The following IGF2BP3 variants were observed in gnomAD, a reference collection of about 807,000 sequenced individuals.
IGF2BP3 encodes insulin-like growth factor 2 mRNA-binding protein 3.
IGF2BP3 carries 9 observed loss-of-function variants against 73.8 expected under a neutral mutation model. The observed-to-expected ratio is 0.12, with a 90% CI of 0.07 to 0.21. The LOEUF (loss-of-function observed/expected upper bound fraction) is 0.21, where lower values mean the gene tolerates loss of function less well. Among genes scored for constraint, IGF2BP3 ranks in the 10% least tolerant of loss-of-function variants. The pLI is 1.00. For missense variants in IGF2BP3, 542 were observed against 714.0 expected (o/e 0.76, Z 2.75); for synonymous variants, 258 against 256.7 (o/e 1.01, Z -0.05).
chr7:23,441,775 A>G (rs1047163297), intron 2 of IGF2BP3, among the ~76,000 whole-genome samples: 1 of 152,092 alleles, frequency 6.6e-6, no homozygotes, highest in African/African-American at 2.4e-5. Context: ...TAAAAATATT[A>G]TACTTGTATC....
chr7:23,356,651 C>T (rs941619478), intron 5 of IGF2BP3, among the ~76,000 whole-genome samples: 2 of 152,116 alleles, frequency 1.3e-5, no homozygotes, highest in African/African-American at 4.8e-5. Context: ...AATACAGGGT[C>T]CTCACAAAAT....
At chr7:23,335,423 G>C (rs1259814707) in intron 10 of IGF2BP3, among the ~76,000 whole-genome samples, 2 of 151,834 alleles carry the variant, frequency 1.3e-5, no homozygotes, top group African/African-American at 4.8e-5. Flanking sequence ...AGCTGGGATA[G>C]GCAAAGGCCA....
intron 3 of IGF2BP3, among the ~76,000 whole-genome samples, chr7:23,363,298 G>C (rs1036411536): frequency 2.0e-5 from 3 of 152,128 alleles, no homozygotes; most frequent in African/African-American, 7.2e-5. Context: ...CTATGCTGGA[G>C]TGCAGTGGCA....
chr7:23,465,501 A>T (rs773856533), intron 2 of IGF2BP3, among the ~76,000 whole-genome samples: 1 of 149,406 alleles, frequency 6.7e-6, no homozygotes, highest in South Asian at 2.1e-4. Flanking sequence ...ACCAAATTCA[A>T]CCTTACTACT....
At chr7:23,394,394 A>G (rs1786382901) in intron 3 of IGF2BP3, among the ~76,000 whole-genome samples, 1 of 152,028 alleles carries the variant, frequency 6.6e-6, no homozygotes, top group Non-Finnish European at 1.5e-5. Flanking sequence ...TTCAGCCTGG[A>G]AGGTCGAGGC....
chr7:23,421,358 T>C (rs1787339612), intron 2 of IGF2BP3, among the ~76,000 whole-genome samples: 1 of 109,548 alleles, frequency 9.1e-6, no homozygotes, highest in Non-Finnish European at 2.3e-5. Flanking sequence ...AAAAGATTTA[T>C]AATTCATAGA....
intron 3 of IGF2BP3, among the ~76,000 whole-genome samples, chr7:23,378,289 A>G (rs953685697): frequency 1.3e-5 from 2 of 151,598 alleles, no homozygotes; most frequent in Non-Finnish European, 1.5e-5. Flanking sequence ...AGGAGTATAT[A>G]ATTTTAGAAT....
At chr7:23,463,844 G>A (rs1244824866) in intron 2 of IGF2BP3, among the ~76,000 whole-genome samples, 5 of 151,870 alleles carry the variant, frequency 3.3e-5, no homozygotes, top group African/African-American at 1.2e-4. Flanking sequence ...ATGAAATTAG[G>A]AAAAAAAATC....
At chr7:23,383,565 A>G (rs1296246616) in intron 3 of IGF2BP3, among the ~76,000 whole-genome samples, 1 of 152,246 alleles carries the variant, frequency 6.6e-6, no homozygotes, top group African/African-American at 2.4e-5. Context: ...TTTGGATAAC[A>G]GTCTGGCAAT....
At chr7:23,318,185 G>T (rs1307317312) in intron 11 of IGF2BP3, among the ~76,000 whole-genome samples, 1 of 152,044 alleles carries the variant, frequency 6.6e-6, no homozygotes, top group African/African-American at 2.4e-5. Context: ...CACACTCTAG[G>T]AATCTCTGTA....
intron 3 of IGF2BP3, among the ~76,000 whole-genome samples, chr7:23,365,129 G>A (rs974698664): frequency 3.3e-5 from 5 of 152,058 alleles, no homozygotes. Flanking sequence ...TTGCACCACT[G>A]CACTCCAGCC....
intron 10 of IGF2BP3, among the ~76,000 whole-genome samples, chr7:23,324,165 G>A (rs1056972669): frequency 9.9e-5 from 15 of 152,044 alleles, no homozygotes. Context: ...AAAATTGATA[G>A]ACTGCTAGCA....
At chr7:23,343,000 C>T (rs947728208) in intron 9 of IGF2BP3, among the ~76,000 whole-genome samples, 7 of 152,090 alleles carry the variant, frequency 4.6e-5, no homozygotes, top group African/African-American at 1.7e-4. Context: ...TTTCAGATGA[C>T]TGGCCCAATT....
At chr7:23,376,428 G>A (rs1785719868) in intron 3 of IGF2BP3, among the ~76,000 whole-genome samples, 1 of 151,474 alleles carries the variant, frequency 6.6e-6, no homozygotes, top group African/African-American at 2.4e-5. Flanking sequence ...CCAGCTACTC[G>A]GGTGGCTGAG....
chr7:23,344,735 A>G (rs1475946109), intron 8 of IGF2BP3, among the ~76,000 whole-genome samples: 1 of 152,232 alleles, frequency 6.6e-6, no homozygotes, highest in Admixed American at 6.5e-5. Context: ...TACTAGTATA[A>G]TGTCACAGGC....
At chr7:23,360,429 A>G (rs1222746421) in intron 5 of IGF2BP3, among the ~76,000 whole-genome samples, 1 of 152,254 alleles carries the variant, frequency 6.6e-6, no homozygotes, top group African/African-American at 2.4e-5. Flanking sequence ...GGAGGAATAC[A>G]TACATGTAGC....
rs1156607130 is a variant in IGF2BP3 at position 23,430,086 on chromosome 7, C to CTT, written c.237-11264_237-11263dup. On this transcript the variant is annotated intron_variant, in intron 2 of 14. Coordinates refer to ENST00000258729, the MANE Select transcript of IGF2BP3 (RefSeq NM_006547.3). ...ACTTGTAACATGTTCTTCTTTGCCT[C>CTT]TTTTTTTTTTTTTTTTTGAGATGGA... Among the ~76,000 whole-genome samples the CTT allele has an allele frequency of 2.9e-3, 404 of 138,084 alleles. 1 individual carries two copies. The highest frequency in any genetic ancestry group is 9.7e-3 in the African/African-American group (364 of 37,370). The allele number at this position is 138,084 out of a possible 152,430, so 90.6% of individuals were successfully genotyped here.
chr7:23,457,396 T>C (rs1429766651), intron 2 of IGF2BP3, among the ~76,000 whole-genome samples: 1 of 150,960 alleles, frequency 6.6e-6, no homozygotes, highest in Non-Finnish European at 1.5e-5. Flanking sequence ...ACCCGGCAGG[T>C]GGAGGTTTCA....
At chr7:23,364,479 T>G (rs1424860693) in intron 3 of IGF2BP3, among the ~76,000 whole-genome samples, 1 of 121,714 alleles carries the variant, frequency 8.2e-6, no homozygotes, top group Non-Finnish European at 1.6e-5. Context: ...ACCTGGGAGG[T>G]GGAGATTGCA....
Sources: allele counts gnomAD v4.1 joint callset (sites outside exome capture counted in the v4.1 genomes callset), GRCh38; gene constraint gnomAD v4.1.1; transcripts MANE v1.5; gene names NCBI Gene and HGNC (gene_info 2026-07-23, HGNC 2026-07-21).